Variants in KIAA1217 observed in about 807,000 individuals in gnomAD.
The protein encoded by KIAA1217 is KIAA1217.
A neutral mutation model predicts 163.9 loss-of-function variants in KIAA1217; 88 were observed. The ratio of observed to expected loss-of-function variants is 0.54; its 90% CI spans 0.45 to 0.64. KIAA1217 has a LOEUF of 0.64. KIAA1217 is among the 30% of genes least tolerant of loss of function. The probability of loss-of-function intolerance (pLI) is 0.00; values close to 1 mark genes in which losing one functional copy is unlikely to be tolerated. For missense variants in KIAA1217, 2,372 were observed against 2,475.0 expected, an observed-to-expected ratio of 0.96 and a Z score of 0.88; for synonymous variants, 903 against 923.1, an observed-to-expected ratio of 0.98 and a Z score of 0.39.
At chr10:24,154,252 C>T (rs962102923) in intron 2 of KIAA1217, among the ~76,000 whole-genome samples, 11 of 151,988 alleles carry the variant, frequency 7.2e-5, no homozygotes, top group South Asian at 2.1e-4. Flanking sequence ...CCACCCCGCC[C>T]GGCCAAAAAA....
At chr10:24,020,145 G>A (rs1480969008) in intron 2 of KIAA1217, among the ~76,000 whole-genome samples, 1 of 152,046 alleles carries the variant, frequency 6.6e-6, no homozygotes, top group East Asian at 1.9e-4. Flanking sequence ...AAATTATGAA[G>A]CATTTATTTA....
At chr10:23,971,428 T>TA (rs1845313625) in intron 1 of KIAA1217, among the ~76,000 whole-genome samples, 2 of 152,240 alleles carry the variant, frequency 1.3e-5, no homozygotes, top group South Asian at 2.1e-4. Context: ...GAGAGATGGC[T>TA]AAAAAATGTG....
chr10:24,485,740 T>G (rs950685408), intron 6 of KIAA1217, among the ~76,000 whole-genome samples: 3 of 152,234 alleles, frequency 2.0e-5, no homozygotes, highest in Admixed American at 6.5e-5. Context: ...CACATTTTTC[T>G]CATTTGCCCT....
Position 23,861,096 on chromosome 10 carries a change from A to G in KIAA1217, c.-320-146129A>G, listed in dbSNP as rs373948772. Reference sequence around the variant, plus strand: ...ACTGGCTAATTTTTGTATTTTTTGTAGAGACGGAGTTTCACCATGTTGTCC... The same window carrying G: ...ACTGGCTAATTTTTGTATTTTTTGTGGAGACGGAGTTTCACCATGTTGTCC... On this transcript the variant is annotated intron_variant, in intron 1 of 18. Transcript: ENST00000376462. Among the ~76,000 whole-genome samples, 88 of 151,918 alleles carry G rather than the reference A, an allele frequency of 5.8e-4. 1 individual carries two copies. In the South Asian group the frequency reaches 0.018, roughly 31 times the overall value.
intron 2 of KIAA1217, among the ~76,000 whole-genome samples, chr10:24,008,167 TAGATA>T (rs1393232614): frequency 1.8e-5 from 2 of 113,806 alleles, no homozygotes; most frequent in Non-Finnish European, 3.5e-5. Context: ...ATTAGATAGA[TAGATA>T]GATAGATAGA....
intron 1 of KIAA1217, among the ~76,000 whole-genome samples, chr10:23,948,563 A>G (rs1427261297): frequency 6.6e-6 from 1 of 152,060 alleles, no homozygotes; most frequent in African/African-American, 2.4e-5. Flanking sequence ...TTTTGAGGGG[A>G]AAAAAAGAGT....
chr10:24,362,722 C>T (rs930798964), intron 2 of KIAA1217, among the ~76,000 whole-genome samples: 11 of 152,178 alleles, frequency 7.2e-5, no homozygotes, highest in African/African-American at 1.4e-4. Context: ...ATTTCTGGGC[C>T]GGGCGCGGTG....
intron 1 of KIAA1217, among the ~76,000 whole-genome samples, chr10:23,804,961 A>G (rs772498636): frequency 2.1e-4 from 32 of 152,322 alleles, no homozygotes; most frequent in South Asian, 4.1e-4. Flanking sequence ...GATACCATCT[A>G]ACACAAGTCA....
intron 2 of KIAA1217, among the ~76,000 whole-genome samples, chr10:24,161,949 G>A (rs1406373988): frequency 6.6e-6 from 1 of 152,162 alleles, no homozygotes; most frequent in Non-Finnish European, 1.5e-5. Flanking sequence ...TTATGAATCT[G>A]ATGAGCTCAA....
chr10:24,292,777 C>T (rs569396830), intron 2 of KIAA1217, among the ~76,000 whole-genome samples: 17 of 151,964 alleles, frequency 1.1e-4, no homozygotes, highest in Non-Finnish European at 1.9e-4. Context: ...CTTAGGATAT[C>T]GCAGCCTGAG....
At chr10:23,731,589 C>T (rs7903593) in intron 1 of KIAA1217, among the ~76,000 whole-genome samples, 41,459 of 151,980 alleles carry the variant, frequency 0.27, 6,855 homozygotes, top group African/African-American at 0.46. Flanking sequence ...AGCCTAAGCC[C>T]GGTTAGGGAG....
chr10:24,522,011 C>T, intron 12 of KIAA1217, 82 bp downstream of exon 12: 1 of 1,480,430 alleles, frequency 6.8e-7, no homozygotes, highest in Non-Finnish European at 9.1e-7. Flanking sequence ...GGACTTCAGC[C>T]TTCCACCATG....
At chr10:24,056,667 C>T (rs959838583) in intron 2 of KIAA1217, among the ~76,000 whole-genome samples, 30 of 152,034 alleles carry the variant, frequency 2.0e-4, no homozygotes, top group Admixed American at 7.2e-4. Context: ...GATGAAGGTC[C>T]GAAAACATGA....
At chr10:24,429,219 T>G (rs576757150) in intron 3 of KIAA1217, among the ~76,000 whole-genome samples, 1 of 152,326 alleles carries the variant, frequency 6.6e-6, no homozygotes, top group African/African-American at 2.4e-5. Context: ...TACCTGATCC[T>G]TCCTATGTGA....
At chr10:24,377,411 A>T (rs2052659950) in intron 2 of KIAA1217, among the ~76,000 whole-genome samples, 1 of 152,050 alleles carries the variant, frequency 6.6e-6, no homozygotes, top group African/African-American at 2.4e-5. Context: ...ATAGCTCTCC[A>T]CTCAGCAGCT....
At chr10:23,731,628 C>A (rs895905801) in intron 1 of KIAA1217, among the ~76,000 whole-genome samples, 6 of 152,160 alleles carry the variant, frequency 3.9e-5, no homozygotes, top group Admixed American at 3.3e-4. Context: ...TAGGTATGAA[C>A]CCCCATCCCA....
intron 2 of KIAA1217, among the ~76,000 whole-genome samples, chr10:24,300,377 C>T (rs900650338): frequency 2.6e-5 from 4 of 152,166 alleles, no homozygotes; most frequent in Admixed American, 1.3e-4. Context: ...TTTCCTTCTC[C>T]TCTTCTGCAC....
At chr10:24,150,280 G>A (rs375712924) in intron 2 of KIAA1217, among the ~76,000 whole-genome samples, 10 of 152,196 alleles carry the variant, frequency 6.6e-5, no homozygotes, top group South Asian at 2.1e-4. Flanking sequence ...CTCCCAAAGC[G>A]CTGGGATTAC....
chr10:24,448,738 A>G (rs1369408156), intron 5 of KIAA1217, among the ~76,000 whole-genome samples: 1 of 152,144 alleles, frequency 6.6e-6, no homozygotes, highest in Non-Finnish European at 1.5e-5. Flanking sequence ...CTCTAAACTT[A>G]CACCGTAAGG....
Sources: gnomAD v4.1 joint callset for allele counts (sites outside exome capture counted in the v4.1 genomes callset) on GRCh38, gnomAD v4.1.1 for gene constraint, MANE v1.5 for transcripts, NCBI Gene and HGNC (gene_info 2026-07-23, HGNC 2026-07-21) for gene names.